Variants in UBTD2 observed in about 807,000 individuals in gnomAD.
UBTD2 encodes ubiquitin domain containing 2, also known as ubiquitin domain-containing protein 2.
UBTD2 carries 9 observed loss-of-function variants against 19.8 expected under a neutral mutation model. That is an observed-to-expected ratio of 0.46 (90% CI 0.27 to 0.79). The LOEUF is 0.79. Among genes scored for constraint, UBTD2 ranks in the 30% least tolerant of loss-of-function variants. The pLI is 0.14. For synonymous variants in UBTD2, 98 were observed against 103.9 expected, an observed-to-expected ratio of 0.94 and a Z score of 0.35; for missense variants, 250 against 300.4, an observed-to-expected ratio of 0.83 and a Z score of 1.24.
At chr5:172,270,590 G>A (rs976140420) in intron 1 of UBTD2, among the ~76,000 whole-genome samples, 2 of 151,850 alleles carry the variant, frequency 1.3e-5, no homozygotes, top group African/African-American at 2.4e-5. Context: ...TCCTGACCTC[G>A]TGATCTGCCT....
At chr5:172,254,022 A>G (rs1436641732) in intron 1 of UBTD2, among the ~76,000 whole-genome samples, 1 of 152,214 alleles carries the variant, frequency 6.6e-6, no homozygotes, top group Non-Finnish European at 1.5e-5. Context: ...ATAAGTTCAG[A>G]GATTCAGACC....
intron 1 of UBTD2, among the ~76,000 whole-genome samples, chr5:172,272,445 T>C (rs1352073487): frequency 1.3e-5 from 2 of 152,270 alleles, no homozygotes; most frequent in East Asian, 1.9e-4. Flanking sequence ...GAGAAGCAGG[T>C]GCAGTGGCCC....
At chr5:172,217,418 C>CAA (rs35018283) in intron 2 of UBTD2, among the ~76,000 whole-genome samples, 24 of 114,876 alleles carry the variant, frequency 2.1e-4, no homozygotes, top group African/African-American at 6.3e-4. Flanking sequence ...GACTCTGTCT[C>CAA]AAAAAAAAAA....
intron 2 of UBTD2, among the ~76,000 whole-genome samples, chr5:172,216,431 G>A (rs1771543154): frequency 6.6e-6 from 1 of 150,424 alleles, no homozygotes; most frequent in Non-Finnish European, 1.5e-5. Context: ...CAAACTTCAG[G>A]AAATCAAAGA....
Position 172,235,321 on chromosome 5 carries a change from G to GC in UBTD2, c.71-964_71-963insG, listed in dbSNP as rs1771986336. Among the ~76,000 whole-genome samples, 3 of 152,252 alleles carry GC rather than the reference G, an allele frequency of 2.0e-5. No individual in the cohort carries two copies. The East Asian group carries it at 5.8e-4, about 29-fold the overall frequency. On this transcript the variant is annotated intron_variant, in intron 1 of 2. Coordinates refer to ENST00000393792, the MANE Select transcript of UBTD2 (RefSeq NM_152277.3). ...GATTGCTTTTCAGTGCCCAGAGAAA[G>GC]AAGAGCCAAACCACCAGAATCATGA...
chr5:172,280,033 C>T lies in UBTD2; in HGVS notation c.70+3563G>A, dbSNP rs112260703. On this transcript the variant is annotated intron_variant, in intron 1 of 2. Coordinates refer to ENST00000393792, the MANE Select transcript of UBTD2 (RefSeq NM_152277.3). ...GGAGAACTGCTTGAACCCGGGAGGG[C>T]GGAGTTTGCAGTGAGCTGAGATCGT... Among the ~76,000 whole-genome samples the T allele has an allele frequency of 7.2e-3, 1,088 of 151,802 alleles. 11 individuals are homozygous for T. The highest frequency in any genetic ancestry group is 0.025 in the African/African-American group (1,035 of 41,410).
At chr5:172,274,828 C>CAGGA (rs1755575363) in intron 1 of UBTD2, among the ~76,000 whole-genome samples, 1 of 151,992 alleles carries the variant, frequency 6.6e-6, no homozygotes, top group South Asian at 2.1e-4. Flanking sequence ...ATCATGAGGT[C>CAGGA]AGGAGATTGA....
chr5:172,224,135 A>G (rs1467734199), intron 2 of UBTD2, among the ~76,000 whole-genome samples: 1 of 152,082 alleles, frequency 6.6e-6, no homozygotes, highest in African/African-American at 2.4e-5. Context: ...AGATGGTGAT[A>G]TGGTTTGGCT....
intron 1 of UBTD2, among the ~76,000 whole-genome samples, chr5:172,237,594 T>G (rs1772037812): frequency 6.6e-6 from 1 of 152,238 alleles, no homozygotes; most frequent in Non-Finnish European, 1.5e-5. Context: ...TGCAGAATTT[T>G]CACTACAAAA....
At chr5:172,237,117 C>G (rs1026641885) in intron 1 of UBTD2, among the ~76,000 whole-genome samples, 3 of 152,152 alleles carry the variant, frequency 2.0e-5, no homozygotes, top group Admixed American at 2.0e-4. Context: ...ATACTTGAGA[C>G]AGAGTCTTGC....
intron 1 of UBTD2, among the ~76,000 whole-genome samples, chr5:172,246,760 T>G: frequency 1.6e-5 from 1 of 61,182 alleles, no homozygotes; most frequent in African/African-American, 6.1e-5. Context: ...GCTTTTTTTT[T>G]TTTTTTTTTT....
intron 1 of UBTD2, among the ~76,000 whole-genome samples, chr5:172,275,877 TGGTCACTCGG>T (rs940924833): frequency 6.6e-6 from 1 of 152,220 alleles, no homozygotes; most frequent in African/African-American, 2.4e-5. Context: ...TCAATATTCC[TGGTCACTCGG>T]GTTCATAAAC....
chr5:172,240,315 G>A (rs1248242542), intron 1 of UBTD2, among the ~76,000 whole-genome samples: 1 of 152,206 alleles, frequency 6.6e-6, no homozygotes, highest in Non-Finnish European at 1.5e-5. Context: ...AGGATCGTAT[G>A]TAGGAATATC....
chr5:172,275,324 G>A (rs539146311), intron 1 of UBTD2, among the ~76,000 whole-genome samples: 1 of 152,242 alleles, frequency 6.6e-6, no homozygotes, highest in South Asian at 2.1e-4. Context: ...CATGACACGT[G>A]GAGATTATGA....
intron 2 of UBTD2, among the ~76,000 whole-genome samples, chr5:172,224,126 G>A (rs937422413): frequency 6.6e-6 from 1 of 152,072 alleles, no homozygotes; most frequent in African/African-American, 2.4e-5. Flanking sequence ...ACAGAAGATA[G>A]ATGGTGATAT....
rs571289119 is a variant in UBTD2, at chr5:172,257,777, A to C, written c.71-23419T>G. ...TCTCTAATGATTAGTGATGGTGAGC[A>C]TTTTTTCACATACTTGTTAGCCACA... On this transcript the variant is annotated intron_variant, in intron 1 of 2. Coordinates refer to ENST00000393792, the MANE Select transcript of UBTD2 (RefSeq NM_152277.3). 7.6e-4 allele frequency among the ~76,000 whole-genome samples: 115 copies of C among 152,242 alleles called. 1 individual carries two copies. The highest frequency in any genetic ancestry group is 1.4e-3 in the Non-Finnish European group (93 of 68,010).
In UBTD2 at chr5:172,283,569, C is replaced by G; in HGVS notation, c.70+27G>C. On this transcript the variant is annotated intron_variant, in intron 1 of 2. Coordinates refer to ENST00000393792, the MANE Select transcript of UBTD2 (RefSeq NM_152277.3). This position sits in a 1 kb window ranked among gnomAD's most constrained non-coding sequence, Gnocchi z 4.3. Reference sequence around the variant, plus strand: ...GGCCTGGCCGGGAACAATGGGGGGCCGAGGCTGCCCCCTGGCGCTCACCTA... The same window carrying G: ...GGCCTGGCCGGGAACAATGGGGGGCGGAGGCTGCCCCCTGGCGCTCACCTA... The G allele has an allele frequency of 1.6e-6, 2 of 1,288,222 alleles. No homozygotes were observed. Among genetic ancestry groups the G allele is most frequent in the Non-Finnish European group, 2.0e-6 (2 of 1,011,634 alleles). The allele number at this position is 1,288,222 out of a possible 1,614,324, so 79.8% of individuals were successfully genotyped here. A position where few individuals can be genotyped will look rare whatever the true frequency, so the allele number is the denominator to read the frequency against.
chr5:172,259,268 C>T (rs965141659), intron 1 of UBTD2, among the ~76,000 whole-genome samples: 1 of 151,810 alleles, frequency 6.6e-6, no homozygotes, highest in Non-Finnish European at 1.5e-5. Context: ...TCAGCCTCCC[C>T]AGTAGCTGGG....
At chr5:172,223,090 T>C (rs1393723659) in intron 2 of UBTD2, among the ~76,000 whole-genome samples, 1 of 152,138 alleles carries the variant, frequency 6.6e-6, no homozygotes, top group Non-Finnish European at 1.5e-5. Flanking sequence ...TTAGATTTGA[T>C]GGAAAACCAA....
Sources: gnomAD v4.1 joint callset for allele counts (sites outside exome capture counted in the v4.1 genomes callset) on GRCh38, gnomAD v4.1.1 for gene constraint, Gnocchi (gnomAD v3.1) non-coding constraint, MANE v1.5 for transcripts, NCBI Gene and HGNC (gene_info 2026-07-23, HGNC 2026-07-21) for gene names.